The following TSC22D1 variants were observed in gnomAD, a reference collection of about 807,000 sequenced individuals.
TSC22D1 encodes the protein TSC22 domain family protein 1.
TSC22D1 carries 9 observed loss-of-function variants against 74.2 expected under a neutral mutation model. The ratio of observed to expected loss-of-function variants is 0.12; its 90% CI spans 0.07 to 0.21. TSC22D1 has a LOEUF of 0.21. Among genes scored for constraint, TSC22D1 ranks in the 10% least tolerant of loss-of-function variants. The pLI is 1.00. For synonymous variants in TSC22D1, 586 were observed against 492.5 expected (o/e 1.19, Z -2.51); for missense variants, 1,427 against 1,304.7 (o/e 1.09, Z -1.44).
chr13:44,500,441 A>G (rs1354834808), intron 1 of TSC22D1, among the ~76,000 whole-genome samples: 64 of 152,144 alleles, frequency 4.2e-4, no homozygotes, highest in Non-Finnish European at 2.9e-5. Flanking sequence ...AGTTGACTAT[A>G]TATCTATTCC....
intron 1 of TSC22D1, among the ~76,000 whole-genome samples, chr13:44,467,988 C>G (rs1877388067): frequency 1.3e-5 from 2 of 150,020 alleles, no homozygotes. Context: ...TGGGATCAAC[C>G]TATACACACA....
intron 1 of TSC22D1, among the ~76,000 whole-genome samples, chr13:44,447,332 G>C (rs1202275293): frequency 6.6e-6 from 1 of 151,674 alleles, no homozygotes; most frequent in African/African-American, 2.4e-5. Context: ...AGAAAAAAGG[G>C]AACAAAAACT....
chr13:44,539,555 A>C (rs1021287463), intron 1 of TSC22D1: 1 of 985,238 alleles, frequency 1.0e-6, no homozygotes, highest in Admixed American at 6.2e-5. Context: ...ATGTGCCCCA[A>C]ATCATCCACT....
intron 1 of TSC22D1, among the ~76,000 whole-genome samples, chr13:44,471,569 G>A (rs1877607957): frequency 6.6e-6 from 1 of 152,080 alleles, no homozygotes; most frequent in African/African-American, 2.4e-5. Context: ...TTTTTAGATT[G>A]TTCAGACTCT....
intron 1 of TSC22D1, among the ~76,000 whole-genome samples, chr13:44,439,279 T>C (rs1874997649): frequency 6.6e-6 from 1 of 152,268 alleles, no homozygotes; most frequent in Admixed American, 6.5e-5. Context: ...TCTGGAGAAT[T>C]TGTTGAGCCA....
intron 1 of TSC22D1, among the ~76,000 whole-genome samples, chr13:44,541,915 A>G (rs1443402526): frequency 6.6e-6 from 1 of 152,092 alleles, no homozygotes; most frequent in African/African-American, 2.4e-5. Context: ...GGTGCTATAA[A>G]AGTGCTTTAA....
In TSC22D1 at chr13:44,574,297, T is replaced by C; in HGVS notation, c.1778A>G (p.Gln593Arg). 6.2e-7 allele frequency: 1 copy of C among 1,614,274 alleles called. No individual in the cohort carries two copies. Among genetic ancestry groups the C allele is most frequent in the Non-Finnish European group, 8.5e-7 (1 of 1,180,050 alleles). Residue 593 changes from glutamine (Q) to arginine (R), a missense_variant, in exon 1 of 3, where the codon CAG becomes CGG. By Grantham distance (43) the Gln-to-Arg change is conservative. This residue lies in a region of TSC22D1 where 1,343 missense variants were observed against 1,191.5 expected (regional missense o/e 1.13). Coordinates refer to ENST00000458659, the MANE Select transcript of TSC22D1 (RefSeq NM_183422.4). ...AGCCAAACTGGAAATGGAAGGCTGC[T>C]GACCTAAAGCTGAAGTTACACCAAC... Reference protein sequence around the residue: ...NVVGVTSALGQQPSISSLAQP... With the variant: ...NVVGVTSALGRQPSISSLAQP...
chr13:44,550,349 G>GA (rs1487797314), intron 1 of TSC22D1, among the ~76,000 whole-genome samples: 14 of 151,994 alleles, frequency 9.2e-5, no homozygotes, highest in Non-Finnish European at 2.1e-4. Context: ...TTGGGAGGCC[G>GA]GGTGGGTGGA....
In TSC22D1 at chr13:44,434,527, G is replaced by C; in HGVS notation, c.*99C>G. Reference sequence around the variant, plus strand: ...CAGTCTCACGTCTCTTTCGCAGCGAGCAATGAAATGGGTGACTGTGGAGGC... The same window carrying C: ...CAGTCTCACGTCTCTTTCGCAGCGACCAATGAAATGGGTGACTGTGGAGGC... On this transcript the variant is annotated 3_prime_UTR_variant, in exon 3 of 3. Coordinates refer to ENST00000458659, the MANE Select transcript of TSC22D1 (RefSeq NM_183422.4). 1.4e-6 allele frequency: 2 copies of C among 1,468,392 alleles called. No individual in the cohort carries two copies. The highest frequency in any genetic ancestry group is 4.8e-5 in the East Asian group (2 of 41,414). The allele number at this position is 1,468,392 out of a possible 1,614,324, so 91.0% of individuals were successfully genotyped here.
intron 1 of TSC22D1, among the ~76,000 whole-genome samples, chr13:44,519,461 T>C (rs141459459): frequency 5.1e-4 from 77 of 152,226 alleles, no homozygotes; most frequent in African/African-American, 1.7e-3. Flanking sequence ...GGAGTATACA[T>C]GGCACAATGA....
chr13:44,553,402 T>C (rs999287105), intron 1 of TSC22D1, among the ~76,000 whole-genome samples: 4 of 152,302 alleles, frequency 2.6e-5, no homozygotes, highest in East Asian at 3.9e-4. Context: ...TGAAACTTTA[T>C]AGATTTCAAA....
At chr13:44,472,608 G>A (rs916322620) in intron 1 of TSC22D1, among the ~76,000 whole-genome samples, 15 of 152,174 alleles carry the variant, frequency 9.9e-5, no homozygotes, top group Non-Finnish European at 1.5e-4. Context: ...TTGAGTCCGG[G>A]AATTTGAGAC....
chr13:44,537,496 C>A, intron 1 of TSC22D1: 2 of 985,154 alleles, frequency 2.0e-6, no homozygotes, highest in Non-Finnish European at 2.4e-6. Flanking sequence ...TCACAGGCCA[C>A]ACAAAGCGGT....
chr13:44,454,435 G>GC lies in TSC22D1; in HGVS notation c.2913-18341dup, dbSNP rs1276494641. On this transcript the variant is annotated intron_variant, in intron 1 of 2. Transcript: ENST00000458659. The stretch of plus-strand genomic sequence containing the variant: ...ACGGTAGAACAAACACCCACAAACT[G>GC]CCCCCCGCTAAACTAAGAACGTTAT... Among the ~76,000 whole-genome samples, 6 of 151,984 alleles carry GC rather than the reference G, an allele frequency of 3.9e-5. No individual in the cohort carries two copies. In the South Asian group the frequency reaches 1.0e-3, roughly 26 times the overall value.
intron 1 of TSC22D1, among the ~76,000 whole-genome samples, chr13:44,544,284 C>T (rs1183658002): frequency 4.7e-5 from 7 of 149,684 alleles, no homozygotes; most frequent in Non-Finnish European, 8.9e-5. Context: ...AAAAGTAGTA[C>T]AAAAACCAGA....
chr13:44,573,752 G>T lies in TSC22D1; in HGVS notation c.2323C>A (p.Gln775Lys). The T allele has an allele frequency of 6.2e-7, 1 of 1,614,238 alleles. No homozygotes were observed. The highest frequency in any genetic ancestry group is 1.1e-5 in the South Asian group (1 of 91,084). Residue 775 changes from glutamine to lysine, a missense_variant, in exon 1 of 3, where the codon CAG becomes AAG. By Grantham distance (53) the Gln-to-Lys change is moderately conservative. Transcript: ENST00000458659. ...CTTGGAGCACTAGTTTGAACTCCCT[G>T]ATGAATAATCCCAGTTTGAGCAGGT... ...VPPAQTGIIH[Q>K]GVQTSAPSLP... is the part of the protein sequence containing the mutation.
At position 44,575,268 on chromosome 13, in the gene TSC22D1, G is replaced by A. The variant is rs779326032; in HGVS notation, c.807C>T (p.Asp269=). 1.1e-5 allele frequency: 17 copies of A among 1,614,118 alleles called. No individual in the cohort carries two copies. The highest frequency in any genetic ancestry group is 1.2e-5 in the Non-Finnish European group (14 of 1,180,038). The change falls in exon 1 of 3, where the codon GAC becomes GAT. Residue 269 remains aspartate, a synonymous_variant. Transcript: ENST00000458659. ...SRKLSTTGSS[D]SITPVAPTSA... is the part of the protein sequence containing the mutation. Reference sequence around the variant, plus strand: ...AAGTTGGTGCAACTGGTGTGATACTGTCAGAGCTTCCAGTTGTAGAGAGTT... The same window carrying A: ...AAGTTGGTGCAACTGGTGTGATACTATCAGAGCTTCCAGTTGTAGAGAGTT...
intron 1 of TSC22D1, among the ~76,000 whole-genome samples, chr13:44,554,284 T>C (rs1363614463): frequency 6.6e-6 from 1 of 152,160 alleles, no homozygotes; most frequent in Non-Finnish European, 1.5e-5. Context: ...AGAAATAAGA[T>C]GAGATGCCAG....
intron 1 of TSC22D1, among the ~76,000 whole-genome samples, chr13:44,512,963 C>T (rs1338354406): frequency 6.6e-6 from 1 of 152,158 alleles, no homozygotes; most frequent in Non-Finnish European, 1.5e-5. Context: ...ATTCTTATCT[C>T]TAAAGCCTGT....
Sources: allele counts gnomAD v4.1 joint callset (sites outside exome capture counted in the v4.1 genomes callset), GRCh38; gene constraint gnomAD v4.1.1; regional missense constraint gnomAD v4.1.1; transcripts MANE v1.5; gene names NCBI Gene and HGNC (gene_info 2026-07-23, HGNC 2026-07-21).